The following TTC39A variants were observed in gnomAD, a reference collection of about 807,000 sequenced individuals.
The protein encoded by TTC39A is tetratricopeptide repeat domain 39A, also known as tetratricopeptide repeat protein 39A.
Under a neutral mutation model 82.3 loss-of-function variants are expected in TTC39A, and 46 were observed. The ratio of observed to expected loss-of-function variants is 0.56; its 90% CI spans 0.44 to 0.71. The LOEUF is 0.71. Ranked by LOEUF, TTC39A falls within the 30% of genes least tolerant of loss-of-function variation. TTC39A has a pLI of 0.00. For synonymous variants in TTC39A, 254 were observed against 275.2 expected (o/e 0.92, Z 0.76); for missense variants, 543 against 712.9 (o/e 0.76, Z 2.71).
At chr1:51,319,649 T>C (rs1645418222) in intron 2 of TTC39A, among the ~76,000 whole-genome samples, 2 of 151,996 alleles carry the variant, frequency 1.3e-5, no homozygotes, top group African/African-American at 4.8e-5. Context: ...GAAAAAAATA[T>C]ATTTATGCAA....
At chr1:51,312,498 C>A (rs60358049) in intron 3 of TTC39A, among the ~76,000 whole-genome samples, 2,957 of 152,216 alleles carry the variant, frequency 0.019, 39 homozygotes, top group African/African-American at 0.04. Context: ...CCTGGCAGCT[C>A]CCAACCTGTC....
At chr1:51,344,894 T>G in intron 1 of TTC39A, 1 of 1,425,388 alleles carries the variant, frequency 7.0e-7, no homozygotes, top group Admixed American at 2.3e-5. Flanking sequence ...TTTCCCCAGC[T>G]GTGCCTCTCA....
At chr1:51,305,500 C>T (rs1644834446) in intron 7 of TTC39A, 1 of 341,798 alleles carries the variant, frequency 2.9e-6, no homozygotes, top group South Asian at 2.7e-5. Context: ...TCCTAGGGAT[C>T]CTTCAGGAGC....
chr1:51,297,989 T>TGTGACTGCCAC (rs1644505985), intron 12 of TTC39A: 1 of 153,590 alleles, frequency 6.5e-6, no homozygotes, highest in Non-Finnish European at 1.4e-5. Flanking sequence ...CGGCCTGCCA[T>TGTGACTGCCAC]GTGACTGCCA....
upstream of TTC39A, chr1:51,331,637 C>G (rs118185859): frequency 1.2e-5 from 12 of 985,432 alleles, no homozygotes; most frequent in East Asian, 9.1e-4. Flanking sequence ...TGCTTAAAAT[C>G]TAAGCAGGCT....
intron 8 of TTC39A, among the ~76,000 whole-genome samples, chr1:51,304,118 G>A (rs754842187): frequency 3.2e-4 from 48 of 152,174 alleles, no homozygotes; most frequent in Admixed American, 2.4e-3. Flanking sequence ...CCCTAAGCCC[G>A]CTTTCTCAGA....
In TTC39A at chr1:51,288,586, T is replaced by C. The variant is rs1399539518; in HGVS notation, c.1610+253A>G. Among the ~76,000 whole-genome samples the C allele has an allele frequency of 6.6e-6, 1 of 152,180 alleles. No individual in the cohort carries two copies. Among genetic ancestry groups the C allele is most frequent in the African/African-American group, 2.4e-5 (1 of 41,444 alleles). ...CATGGGTCCTCACACAGCCATGCAG[T>C]TGGCTTCTGATGTGACCTTGGGAAC... On this transcript the variant is annotated intron_variant, in intron 17 of 17. Transcript: ENST00000680483. The surrounding 1 kb of genome is among the most constrained non-coding windows in gnomAD (Gnocchi z 4.8).
chr1:51,321,643 G>C lies in TTC39A; in HGVS notation c.146+78C>G. 2.2e-6 allele frequency: 3 copies of C among 1,353,136 alleles called. No individual in the cohort carries two copies. Among genetic ancestry groups the C allele is most frequent in the Non-Finnish European group, 3.1e-6 (3 of 962,836 alleles). The allele number at this position is 1,353,136 out of a possible 1,614,324, so 83.8% of individuals were successfully genotyped here. On this transcript the variant is annotated intron_variant, in intron 2 of 17. Transcript: ENST00000680483. This position sits in a 1 kb window ranked among gnomAD's most constrained non-coding sequence, Gnocchi z 4.6. ...AAGCCAAAGGCATTTAGTTACACAG[G>C]GTTCCTCTCATACAAGACCTCTGGT...
At chr1:51,334,450 C>T (rs1645949512), upstream of TTC39A, among the ~76,000 whole-genome samples, 1 of 152,050 alleles carries the variant, frequency 6.6e-6, no homozygotes, top group African/African-American at 2.4e-5. Context: ...TTGCGGTGAA[C>T]CAAGATCGCA....
At chr1:51,323,801 T>C (rs943266698) in intron 1 of TTC39A, among the ~76,000 whole-genome samples, 7 of 152,246 alleles carry the variant, frequency 4.6e-5, no homozygotes, top group African/African-American at 1.2e-4. Flanking sequence ...AATTCCTTTA[T>C]ACATTTTAAA....
chr1:51,303,059 G>GCCCCAGGT (rs1326757638), intron 9 of TTC39A, 25 bp downstream of exon 9: 1 of 1,559,522 alleles, frequency 6.4e-7, no homozygotes, highest in African/African-American at 1.4e-5. Context: ...AAACCCCAGG[G>GCCCCAGGT]CCCCAGGTCC....
intron 8 of TTC39A, among the ~76,000 whole-genome samples, chr1:51,303,847 G>T (rs1644773969): frequency 6.6e-6 from 1 of 152,112 alleles, no homozygotes; most frequent in Non-Finnish European, 1.5e-5. Flanking sequence ...CTCACCTCTG[G>T]GTCCTCCCTT....
At chr1:51,318,458 G>A (rs1023434229) in intron 2 of TTC39A, among the ~76,000 whole-genome samples, 4 of 152,156 alleles carry the variant, frequency 2.6e-5, no homozygotes, top group African/African-American at 9.7e-5. Context: ...CAGACAGTGG[G>A]AGTATGGTGT....
At chr1:51,344,887 C>T (rs1646078491) in intron 1 of TTC39A, 1 of 1,394,062 alleles carries the variant, frequency 7.2e-7, no homozygotes, top group Non-Finnish European at 9.6e-7. Flanking sequence ...CACACCCTTT[C>T]CCCAGCTGTG....
intron 1 of TTC39A, among the ~76,000 whole-genome samples, chr1:51,326,988 C>T (rs576934716): frequency 6.6e-6 from 1 of 152,334 alleles, no homozygotes; most frequent in East Asian, 1.9e-4. Flanking sequence ...ATTCAGATCC[C>T]ACCCACACTT....
chr1:51,290,683 C>T, intron 14 of TTC39A, 58 bp from the exon 15 acceptor site: 5 of 1,443,144 alleles, frequency 3.5e-6, no homozygotes, highest in Non-Finnish European at 3.8e-6. Flanking sequence ...CCTCAGTTTT[C>T]CCATCTACAA....
intron 2 of TTC39A, among the ~76,000 whole-genome samples, chr1:51,314,327 G>A (rs905796378): frequency 2.0e-5 from 3 of 152,126 alleles, no homozygotes; most frequent in African/African-American, 7.2e-5. Context: ...AGCCTGCCCG[G>A]GTCCCTGCGA....
chr1:51,297,380 G>C (rs1644477362), intron 12 of TTC39A: 1 of 152,250 alleles, frequency 6.6e-6, no homozygotes, highest in Admixed American at 6.5e-5. Context: ...ACCACGCCAG[G>C]CTAATTTTTG....
intron 1 of TTC39A, among the ~76,000 whole-genome samples, chr1:51,337,293 C>T (rs1315870649): frequency 6.6e-6 from 1 of 151,740 alleles, no homozygotes; most frequent in East Asian, 1.9e-4. Context: ...CACATTCCCA[C>T]CTCAGGCCCT....
Sources: allele counts gnomAD v4.1 joint callset (sites outside exome capture counted in the v4.1 genomes callset), GRCh38; gene constraint gnomAD v4.1.1; non-coding constraint Gnocchi (gnomAD v3.1); transcripts MANE v1.5; gene names NCBI Gene and HGNC (gene_info 2026-07-23, HGNC 2026-07-21).